The following EPHB3 variants were observed in gnomAD, a reference collection of about 807,000 sequenced individuals.
EPHB3 encodes the protein ephrin type-B receptor 3.
EPHB3 carries 33 observed loss-of-function variants against 100.2 expected under a neutral mutation model. The ratio of observed to expected loss-of-function variants is 0.33; its 90% CI spans 0.25 to 0.44. The LOEUF is 0.44. EPHB3 is among the 20% of genes least tolerant of loss of function. The pLI, the probability that EPHB3 is intolerant of heterozygous loss-of-function variation, is 1.00. For missense variants in EPHB3, 1,045 were observed against 1,378.3 expected (o/e 0.76, Z 3.83); for synonymous variants, 526 against 554.7 (o/e 0.95, Z 0.73).
At position 184,577,523 on chromosome 3, in the gene EPHB3, A is replaced by T. The variant is rs1470365384; in HGVS notation, c.1479+56A>T. ...TGGGCTGAGCTGGGCTGAGAAAATT[A>T]CCCCCGGATCATGATGGGGCCCTTG... On this transcript the variant is annotated intron_variant, in intron 6 of 15. Transcript: ENST00000330394. This position sits in a 1 kb window ranked among gnomAD's most constrained non-coding sequence, Gnocchi z 4.9. 7 of 1,605,690 alleles carry T rather than the reference A, an allele frequency of 4.4e-6. No individual in the cohort carries two copies. Among genetic ancestry groups the T allele is most frequent in the Non-Finnish European group, 6.0e-6 (7 of 1,175,546 alleles).
rs757862289 is a variant in EPHB3, at chr3:184,579,072, G to A, written c.1802-405G>A. 6.6e-6 allele frequency among the ~76,000 whole-genome samples: 1 copy of A among 152,172 alleles called. No homozygotes were observed. The highest frequency in any genetic ancestry group is 6.5e-5 in the Admixed American group (1 of 15,278). On this transcript the variant is annotated intron_variant, in intron 9 of 15. Coordinates refer to ENST00000330394, the MANE Select transcript of EPHB3 (RefSeq NM_004443.4). The surrounding 1 kb of genome is among the most constrained non-coding windows in gnomAD (Gnocchi z 5.2). ...GACTCCACCATAGGTAATTGGAAAG[G>A]CTCTCAAGCTGGGGAGTAATACAAT...
chr3:184,575,257 GC>G, intron 3 of EPHB3: 1 of 983,584 alleles, frequency 1.0e-6, no homozygotes, highest in Non-Finnish European at 1.2e-6. Flanking sequence ...CAGCCTTCCT[GC>G]CTGCTTTCTT....
chr3:184,578,848 C>T lies in EPHB3; in HGVS notation c.1801+382C>T, dbSNP rs559770608. Among the ~76,000 whole-genome samples the T allele has an allele frequency of 1.3e-4, 20 of 151,938 alleles. No homozygotes were observed. The highest frequency in any genetic ancestry group is 2.6e-4 in the Non-Finnish European group (18 of 68,002). On this transcript the variant is annotated intron_variant, in intron 9 of 15. Coordinates refer to ENST00000330394, the MANE Select transcript of EPHB3 (RefSeq NM_004443.4). The surrounding 1 kb of genome is among the most constrained non-coding windows in gnomAD (Gnocchi z 4.7). ...GGAGGTGGACTTGAGCTGAGCCAGG[C>T]GGGATGAGCAGGGTGTTGGGAGGTG...
In EPHB3 at chr3:184,578,719, A is replaced by G. The variant is rs1331472510; in HGVS notation, c.1801+253A>G. On this transcript the variant is annotated intron_variant, in intron 9 of 15. Transcript: ENST00000330394. The surrounding 1 kb of genome is among the most constrained non-coding windows in gnomAD (Gnocchi z 4.7). ...GGCAGTTAGTCCTGTGGGAAAGACAAGATGCAAACACACAGGAAACAATTT... is the reference window on the plus strand; with the variant it reads ...GGCAGTTAGTCCTGTGGGAAAGACAGGATGCAAACACACAGGAAACAATTT... 1.3e-5 allele frequency among the ~76,000 whole-genome samples: 2 copies of G among 152,204 alleles called. No homozygotes were observed. Among genetic ancestry groups the G allele is most frequent in the Admixed American group, 1.3e-4 (2 of 15,280 alleles).
intron 15 of EPHB3, 53 bp downstream of exon 15, chr3:184,581,461 C>T (rs1002854397): frequency 6.3e-7 from 1 of 1,593,426 alleles, no homozygotes; most frequent in Non-Finnish European, 8.6e-7. Context: ...AGGCTGGGCC[C>T]AGAGTTGAGG....
intron 3 of EPHB3, among the ~76,000 whole-genome samples, chr3:184,574,042 C>G (rs552662923): frequency 6.6e-6 from 1 of 152,254 alleles, no homozygotes; most frequent in South Asian, 2.1e-4. Context: ...CTGTTTGAAC[C>G]TTGGTTTCCT....
chr3:184,566,172 A>G (rs1328127791), intron 1 of EPHB3, among the ~76,000 whole-genome samples: 2 of 152,108 alleles, frequency 1.3e-5, no homozygotes, highest in African/African-American at 2.4e-5. Flanking sequence ...TGTGGCCAGC[A>G]TCACAAGGAA....
At position 184,577,701 on chromosome 3, in the gene EPHB3, T is replaced by A; in HGVS notation, c.1523T>A (p.Val508Glu). Residue 508 changes from valine (V) to glutamate (E), a missense_variant, in exon 7 of 16, where the codon GTG becomes GAG. Around this residue, in one of 2 missense-constraint regions of EPHB3, gnomAD observed 985 missense variants for 1,331.1 expected, o/e 0.74. Transcript: ENST00000330394. The surrounding 1 kb of genome is among the most constrained non-coding windows in gnomAD (Gnocchi z 4.9). ...ASTVTSQMNS[V>E]QLDGLRPDAR... is the part of the protein sequence containing the mutation. ...ACAGTGACCAGCCAGATGAACTCCG[T>A]GCAGCTGGACGGGCTTCGGCCTGAC... 1 of 1,610,496 alleles carries A rather than the reference T, an allele frequency of 6.2e-7. No homozygotes were observed. Among genetic ancestry groups the A allele is most frequent in the Non-Finnish European group, 8.5e-7 (1 of 1,177,852 alleles).
At chr3:184,564,775 C>G (rs1714342805) in intron 1 of EPHB3, among the ~76,000 whole-genome samples, 1 of 152,138 alleles carries the variant, frequency 6.6e-6, no homozygotes, top group African/African-American at 2.4e-5. Context: ...CCTGTCCTCC[C>G]TCCTGTATTC....
chr3:184,573,301 G>T lies in EPHB3; in HGVS notation c.856+125G>T. The stretch of plus-strand genomic sequence containing the variant: ...GTCTGGGAGCAGGTCCACAGTGGAG[G>T]CAGGAGAGGGAAGAGTGGGGATCAG... On this transcript the variant is annotated intron_variant, in intron 3 of 15. Coordinates refer to ENST00000330394, the MANE Select transcript of EPHB3 (RefSeq NM_004443.4). The surrounding 1 kb of genome is among the most constrained non-coding windows in gnomAD (Gnocchi z 4.5). 8.3e-7 allele frequency: 1 copy of T among 1,211,808 alleles called. No homozygotes were observed. Among genetic ancestry groups the T allele is most frequent in the South Asian group, 1.4e-5 (1 of 70,400 alleles). The allele number at this position is 1,211,808 out of a possible 1,614,324, so 75.1% of individuals were successfully genotyped here.
Position 184,569,135 on chromosome 3 carries a change from G to T in EPHB3, c.119-2183G>T, listed in dbSNP as rs1474608542. Among the ~76,000 whole-genome samples the T allele has an allele frequency of 2.6e-5, 4 of 152,176 alleles. No individual in the cohort carries two copies. The highest frequency in any genetic ancestry group is 2.6e-4 in the Admixed American group (4 of 15,288). ...GCTGAGCAGAAGGAAGTGAGGGAGA[G>T]GGAGGAGGGAGGCGGCGCGAGGGAG... On this transcript the variant is annotated intron_variant, in intron 1 of 15. Coordinates refer to ENST00000330394, the MANE Select transcript of EPHB3 (RefSeq NM_004443.4). The surrounding 1 kb of genome is among the most constrained non-coding windows in gnomAD (Gnocchi z 5.4).
Position 184,573,177 on chromosome 3 carries a change from G to A in EPHB3, c.856+1G>A. ...GCTGCCAAGGAGTCCCAGTGCCGCC[G>A]TGAGTGGGGACTGTCCTGGGGAAAG... On this transcript the variant is annotated splice_donor_variant, in intron 3 of 15. Coordinates refer to ENST00000330394, the MANE Select transcript of EPHB3 (RefSeq NM_004443.4). LOFTEE classifies it high-confidence loss of function. This position sits in a 1 kb window ranked among gnomAD's most constrained non-coding sequence, Gnocchi z 4.5. The A allele has an allele frequency of 2.5e-6, 4 of 1,611,172 alleles. No individual in the cohort carries two copies. The highest frequency in any genetic ancestry group is 1.7e-6 in the Non-Finnish European group (2 of 1,179,996).
At chr3:184,564,053 G>A (rs1714322748) in intron 1 of EPHB3, among the ~76,000 whole-genome samples, 1 of 152,172 alleles carries the variant, frequency 6.6e-6, no homozygotes. Flanking sequence ...GGACCCTCAG[G>A]AGTCCAGGCC....
Position 184,579,082 on chromosome 3 carries a change from T to C in EPHB3, c.1802-395T>C, listed in dbSNP as rs973877364. Among the ~76,000 whole-genome samples the C allele has an allele frequency of 6.6e-6, 1 of 151,878 alleles. No individual in the cohort carries two copies. Among genetic ancestry groups the C allele is most frequent in the Non-Finnish European group, 1.5e-5 (1 of 67,948 alleles). On this transcript the variant is annotated intron_variant, in intron 9 of 15. Coordinates refer to ENST00000330394, the MANE Select transcript of EPHB3 (RefSeq NM_004443.4). The surrounding 1 kb of genome is among the most constrained non-coding windows in gnomAD (Gnocchi z 5.2). Reference sequence around the variant, plus strand: ...TAGGTAATTGGAAAGGCTCTCAAGCTGGGGAGTAATACAATGAAAGGATTG... The same window carrying C: ...TAGGTAATTGGAAAGGCTCTCAAGCCGGGGAGTAATACAATGAAAGGATTG...
At position 184,578,236 on chromosome 3, in the gene EPHB3, T is replaced by C; in HGVS notation, c.1749-178T>C. On this transcript the variant is annotated intron_variant, in intron 8 of 15. Coordinates refer to ENST00000330394, the MANE Select transcript of EPHB3 (RefSeq NM_004443.4). The surrounding 1 kb of genome is among the most constrained non-coding windows in gnomAD (Gnocchi z 4.7). ...ATCTCCGGGCAGGTTCCCTAGGGACTGAGTCCACTGAACCCCTTGCTCAGA... is the reference window on the plus strand; with the variant it reads ...ATCTCCGGGCAGGTTCCCTAGGGACCGAGTCCACTGAACCCCTTGCTCAGA... The C allele has an allele frequency of 1.0e-6, 1 of 958,752 alleles. No individual in the cohort carries two copies. Among genetic ancestry groups the C allele is most frequent in the Admixed American group, 2.5e-5 (1 of 40,598 alleles). The allele number at this position is 958,752 out of a possible 1,614,324, so 59.4% of individuals were successfully genotyped here. A position where few individuals can be genotyped will look rare whatever the true frequency, so the allele number is the denominator to read the frequency against.
chr3:184,562,257 C>T lies in EPHB3; in HGVS notation c.22C>T (p.Pro8Ser). MARARPPPPPSPPPGLLP... is the reference protein window; with the variant it reads MARARPPSPPSPPPGLLP... ...GGCCATGGCCAGAGCCCGCCCGCCG[C>T]CGCCGCCGTCGCCGCCGCCGGGGCT... Residue 8 changes from proline (P) to serine (S), a missense_variant, in exon 1 of 16, where the codon CCG (proline) becomes TCG (serine). Pro to Ser is a moderately conservative substitution (Grantham distance 74). This residue lies in a region of EPHB3 where 60 missense variants were observed against 47.2 expected (regional missense o/e 1.27). Transcript: ENST00000330394. This position sits in a 1 kb window ranked among gnomAD's most constrained non-coding sequence, Gnocchi z 4.8. 2 of 1,124,702 alleles carry T rather than the reference C, an allele frequency of 1.8e-6. No homozygotes were observed. Among genetic ancestry groups the T allele is most frequent in the Non-Finnish European group, 2.2e-6 (2 of 901,758 alleles). The allele number at this position is 1,124,702 out of a possible 1,614,324, so 69.7% of individuals were successfully genotyped here.
At position 184,572,171 on chromosome 3, in the gene EPHB3, A is replaced by G. The variant is rs1714554011; in HGVS notation, c.184-333A>G. Among the ~76,000 whole-genome samples the G allele has an allele frequency of 6.6e-6, 1 of 152,250 alleles. No individual in the cohort carries two copies. Among genetic ancestry groups the G allele is most frequent in the South Asian group, 2.1e-4 (1 of 4,834 alleles). On this transcript the variant is annotated intron_variant, in intron 2 of 15. Transcript: ENST00000330394. This position sits in a 1 kb window ranked among gnomAD's most constrained non-coding sequence, Gnocchi z 6.6. ...ATTTTACAGATGACAAAACTGAGGT[A>G]TAAAGATAACAAATATAGCTGATGT...
At position 184,577,912 on chromosome 3, in the gene EPHB3, C is replaced by G. The variant is rs1273747541; in HGVS notation, c.1654C>G (p.Gln552Glu). Residue 552 changes from glutamine to glutamate, a missense_variant, in exon 8 of 16, where the codon CAG (glutamine) becomes GAG (glutamate). By Grantham distance (29) the Gln-to-Glu change is conservative. Coordinates refer to ENST00000330394, the MANE Select transcript of EPHB3 (RefSeq NM_004443.4). The surrounding 1 kb of genome is among the most constrained non-coding windows in gnomAD (Gnocchi z 4.9). The part of the protein sequence containing the change: ...TTSERGSGAQ[Q>E]LQEQLPLIVG... ...TCTATCTCCAGGCTCTGGGGCCCAGCAGCTCCAGGAGCAGCTTCCCCTCAT... is the reference window on the plus strand; with the variant it reads ...TCTATCTCCAGGCTCTGGGGCCCAGGAGCTCCAGGAGCAGCTTCCCCTCAT... The G allele has an allele frequency of 6.2e-7, 1 of 1,613,830 alleles. No individual in the cohort carries two copies. Among genetic ancestry groups the G allele is most frequent in the African/African-American group, 1.3e-5 (1 of 75,030 alleles).
chr3:184,574,852 C>G (rs1714634633), intron 3 of EPHB3, among the ~76,000 whole-genome samples: 1 of 152,358 alleles, frequency 6.6e-6, no homozygotes, highest in South Asian at 2.1e-4. Flanking sequence ...CCCCCTCCCC[C>G]ACTGGCTCAA....
Sources: gnomAD v4.1 joint callset for allele counts (sites outside exome capture counted in the v4.1 genomes callset) on GRCh38, gnomAD v4.1.1 for gene constraint, gnomAD v4.1.1 regional missense constraint, Gnocchi (gnomAD v3.1) non-coding constraint, MANE v1.5 for transcripts, NCBI Gene and HGNC (gene_info 2026-07-23, HGNC 2026-07-21) for gene names.